The following DOCK7 variants were observed in gnomAD, a reference collection of about 807,000 sequenced individuals.
DOCK7 encodes dedicator of cytokinesis protein 7.
A neutral mutation model predicts 271.0 loss-of-function variants in DOCK7; 138 were observed. The ratio of observed to expected loss-of-function variants is 0.51; its 90% confidence interval spans 0.44 to 0.59. The LOEUF (loss-of-function observed/expected upper bound fraction) is 0.59, where lower values mean the gene tolerates loss of function less well. Ranked by LOEUF, DOCK7 falls within the 20% of genes least tolerant of loss-of-function variation. The pLI is 0.00. For missense variants in DOCK7, 2,066 were observed against 2,592.4 expected (o/e 0.80, Z 4.41); for synonymous variants, 823 against 876.1 (o/e 0.94, Z 1.07).
At chr1:62,558,892 T>C (rs557672520) in intron 20 of DOCK7, 97 bp downstream of exon 20, 3 of 974,702 alleles carry the variant, frequency 3.1e-6, no homozygotes, top group East Asian at 2.6e-5. Context: ...ATAGTCCTTA[T>C]ATATAGCAAA....
intron 17 of DOCK7, among the ~76,000 whole-genome samples, chr1:62,578,149 A>G: frequency 6.6e-6 from 1 of 152,056 alleles, no homozygotes; most frequent in East Asian, 1.9e-4. Flanking sequence ...ATTTTGAAAA[A>G]TACTCAAGGG....
chr1:62,463,598 G>A (rs1645591748), intron 48 of DOCK7, among the ~76,000 whole-genome samples: 1 of 152,048 alleles, frequency 6.6e-6, no homozygotes, highest in East Asian at 1.9e-4. Flanking sequence ...AATAAATCAT[G>A]GCATATTCAT....
intron 16 of DOCK7, 26 bp from the exon 17 acceptor site, chr1:62,578,992 AAC>A (rs1647028054): frequency 4.7e-6 from 7 of 1,495,768 alleles, no homozygotes; most frequent in African/African-American, 2.9e-5. Context: ...AAAAAAAATC[AAC>A]AGTCAGTAAT....
chr1:62,552,651 AGAATAC>A, intron 22 of DOCK7, 75 bp downstream of exon 22: 1 of 1,356,698 alleles, frequency 7.4e-7, no homozygotes, highest in Middle Eastern at 2.2e-4. Flanking sequence ...CTCAAAATTC[AGAATAC>A]ATTACAACAA....
rs1453249578 is a variant in DOCK7, at chr1:62,513,901, G to A, written c.3937-3C>T. 2 of 1,610,352 alleles carry A rather than the reference G, an allele frequency of 1.2e-6. No homozygotes were observed. Among genetic ancestry groups the A allele is most frequent in the Admixed American group, 3.4e-5 (2 of 59,316 alleles). On this transcript the variant is annotated splice_region_variant and splice_polypyrimidine_tract_variant and intron_variant, in intron 31 of 49. Transcript: ENST00000635253. ...AAGGTAGTGTGTTGCCTGCCACTCT[G>A]AAAATAAAGAGCAGTAGAATGAGAC...
At chr1:62,544,427 G>A (rs1179531418) in intron 23 of DOCK7, among the ~76,000 whole-genome samples, 2 of 152,056 alleles carry the variant, frequency 1.3e-5, no homozygotes, top group African/African-American at 4.8e-5. Flanking sequence ...ATGGATTTTT[G>A]CTTCTGGTAT....
intron 48 of DOCK7, among the ~76,000 whole-genome samples, chr1:62,467,760 C>T (rs921626472): frequency 1.3e-5 from 2 of 152,062 alleles, no homozygotes; most frequent in African/African-American, 4.8e-5. Context: ...TTCTATGAAG[C>T]CAGTATCACC....
At chr1:62,646,749 A>T (rs1656717984) in intron 7 of DOCK7, among the ~76,000 whole-genome samples, 1 of 152,230 alleles carries the variant, frequency 6.6e-6, no homozygotes, top group African/African-American at 2.4e-5. Flanking sequence ...TTGTTATAGC[A>T]GCCTGAGCAG....
intron 37 of DOCK7, among the ~76,000 whole-genome samples, chr1:62,503,441 A>ATT (rs34323888): frequency 1.4e-5 from 2 of 144,548 alleles, no homozygotes; most frequent in Non-Finnish European, 3.1e-5. Flanking sequence ...AACATAAACA[A>ATT]TTTTTTTTTT....
At chr1:62,561,590 T>G (rs754205318) in intron 19 of DOCK7, 27 bp downstream of exon 19, 1 of 1,401,310 alleles carries the variant, frequency 7.1e-7, no homozygotes, top group Non-Finnish European at 9.5e-7. Context: ...TAAGTGAAAT[T>G]TGATAATAAA....
intron 31 of DOCK7, among the ~76,000 whole-genome samples, chr1:62,519,171 C>T (rs1478614928): frequency 6.6e-6 from 1 of 151,924 alleles, no homozygotes; most frequent in African/African-American, 2.4e-5. Context: ...AAAAATCTGA[C>T]AGAATGACAA....
At chr1:62,549,696 AT>A (rs2149414581) in intron 22 of DOCK7, among the ~76,000 whole-genome samples, 1 of 152,260 alleles carries the variant, frequency 6.6e-6, no homozygotes, top group East Asian at 1.9e-4. Flanking sequence ...TAACTAAATA[AT>A]AAACAGTATT....
chr1:62,576,711 C>G (rs942881850), intron 18 of DOCK7, among the ~76,000 whole-genome samples: 1 of 152,090 alleles, frequency 6.6e-6, no homozygotes, highest in East Asian at 1.9e-4. Context: ...TGAACGGTGG[C>G]TATTGATTCT....
intron 14 of DOCK7, among the ~76,000 whole-genome samples, chr1:62,590,918 G>C (rs545484949): frequency 1.3e-5 from 2 of 152,268 alleles, no homozygotes; most frequent in African/African-American, 4.8e-5. Context: ...AACCACTGTA[G>C]AAAGCAGTAT....
At chr1:62,598,666 A>G (rs1048801167) in intron 14 of DOCK7, 1 of 1,271,496 alleles carries the variant, frequency 7.9e-7, no homozygotes, top group Non-Finnish European at 1.2e-6. Flanking sequence ...GAGGAAAGCA[A>G]CTTATAACCA....
chr1:62,542,520 A>G, intron 25 of DOCK7, 88 bp downstream of exon 25: 3 of 1,329,614 alleles, frequency 2.3e-6, no homozygotes, highest in East Asian at 2.3e-5. Flanking sequence ...TGTGCAACAG[A>G]AAAAGATTTC....
intron 1 of DOCK7, among the ~76,000 whole-genome samples, chr1:62,672,298 C>T (rs1660103951): frequency 6.6e-6 from 1 of 152,080 alleles, no homozygotes; most frequent in Non-Finnish European, 1.5e-5. Context: ...TCCATATTGG[C>T]ACATAAAACT....
At chr1:62,573,978 GAA>G (rs571507342) in intron 18 of DOCK7, among the ~76,000 whole-genome samples, 108 of 152,244 alleles carry the variant, frequency 7.1e-4, no homozygotes, top group Admixed American at 4.3e-3. Context: ...TTACAAGGAA[GAA>G]GAGTATGGAA....
chr1:62,651,690 C>G (rs1238862455), intron 4 of DOCK7, among the ~76,000 whole-genome samples: 2 of 151,988 alleles, frequency 1.3e-5, no homozygotes, highest in Non-Finnish European at 2.9e-5. Flanking sequence ...ATACCTTTCA[C>G]ATTTCTCATG....
Sources: allele counts gnomAD v4.1 joint callset (sites outside exome capture counted in the v4.1 genomes callset), GRCh38; gene constraint gnomAD v4.1.1; transcripts MANE v1.5; gene names NCBI Gene and HGNC (gene_info 2026-07-23, HGNC 2026-07-21).